The following SORBS2 variants were observed in gnomAD, a reference collection of about 807,000 sequenced individuals.
SORBS2 encodes sorbin and SH3 domain-containing protein 2.
SORBS2 carries 46 observed loss-of-function variants against 97.7 expected under a neutral mutation model. That is an observed-to-expected ratio of 0.47 (90% CI 0.37 to 0.60). SORBS2 has a LOEUF of 0.60. SORBS2 is among the 20% of genes least tolerant of loss of function. SORBS2 has a pLI of 0.00. For synonymous variants in SORBS2, 476 were observed against 473.4 expected, an observed-to-expected ratio of 1.01 and a Z score of -0.07; for missense variants, 1,316 against 1,282.3, an observed-to-expected ratio of 1.03 and a Z score of -0.40.
chr4:185,818,024 C>T (rs72629651), intron 1 of SORBS2, among the ~76,000 whole-genome samples: 43,348 of 152,074 alleles, frequency 0.29, 6,915 homozygotes, highest in East Asian at 0.66. Flanking sequence ...ATCCCCAATC[C>T]GCACTGGAAA....
chr4:185,638,672 C>A (rs1013733424), intron 4 of SORBS2, among the ~76,000 whole-genome samples: 3 of 29,780 alleles, frequency 1.0e-4, no homozygotes, highest in African/African-American at 2.6e-4. Flanking sequence ...GGGAAGGGTG[C>A]GGGAGGGGTG....
chr4:185,697,824 A>T lies in SORBS2; in HGVS notation c.-197-19002T>A, dbSNP rs548290603. Among the ~76,000 whole-genome samples the T allele has an allele frequency of 2.6e-3, 389 of 152,312 alleles. 1 individual carries two copies. Among genetic ancestry groups the T allele is most frequent in the Non-Finnish European group, 4.1e-3 (279 of 68,030 alleles). ...CACACATTTCTATTTTGAGGAGAAAAGCCTTGATCTTTTTAAAGAACCATT... is the reference window on the plus strand; with the variant it reads ...CACACATTTCTATTTTGAGGAGAAATGCCTTGATCTTTTTAAAGAACCATT... On this transcript the variant is annotated intron_variant, in intron 2 of 20. Coordinates refer to the SORBS2 transcript ENST00000284776.
chr4:185,844,859 C>T (rs1330943650), intron 1 of SORBS2, among the ~76,000 whole-genome samples: 1 of 152,148 alleles, frequency 6.6e-6, no homozygotes, highest in East Asian at 1.9e-4. Flanking sequence ...ACACGAAAGA[C>T]TATATGTAAC....
chr4:185,731,648 C>G (rs1230838846), intron 2 of SORBS2, among the ~76,000 whole-genome samples: 2 of 106,108 alleles, frequency 1.9e-5, no homozygotes, highest in Non-Finnish European at 3.7e-5. Context: ...CCCTGCCTAT[C>G]TCTCTCCCTC....
chr4:185,938,964 C>T (rs943366312), intron 1 of SORBS2, among the ~76,000 whole-genome samples: 7 of 152,186 alleles, frequency 4.6e-5, no homozygotes, highest in African/African-American at 1.4e-4. Context: ...GACATCACTA[C>T]GCGGCTCAAT....
chr4:185,588,593 C>CCTCCTCCTCCTCCTCCTCCCTCCT (rs1554048144), intron 14 of SORBS2, among the ~76,000 whole-genome samples: 1 of 65,228 alleles, frequency 1.5e-5, no homozygotes, highest in Non-Finnish European at 3.2e-5. Context: ...CGTTTCTCCT[C>CCTCCTCCTCCTCCTCCTCCCTCCT]CCTCCTCCTC....
At chr4:185,929,866 G>A (rs1195743092) in intron 1 of SORBS2, among the ~76,000 whole-genome samples, 3 of 152,218 alleles carry the variant, frequency 2.0e-5, no homozygotes, top group East Asian at 1.9e-4. Context: ...GATTTTGGGC[G>A]TGTGTGACAC....
intron 1 of SORBS2, among the ~76,000 whole-genome samples, chr4:185,921,697 T>C (rs1433167699): frequency 1.3e-5 from 2 of 152,244 alleles, no homozygotes; most frequent in Non-Finnish European, 2.9e-5. Context: ...GGATATTTAC[T>C]TTTCCACTAT....
intron 1 of SORBS2, chr4:185,810,941 A>G (rs2099179030): frequency 6.6e-6 from 1 of 152,212 alleles, no homozygotes; most frequent in Non-Finnish European, 1.5e-5. Context: ...CACATACCTC[A>G]GCTGTCCTAG....
At chr4:185,860,141 C>G (rs74850307) in intron 1 of SORBS2, among the ~76,000 whole-genome samples, 1 of 152,000 alleles carries the variant, frequency 6.6e-6, no homozygotes, top group Non-Finnish European at 1.5e-5. Flanking sequence ...ATATAATGAG[C>G]AAATGGAGAT....
chr4:185,769,135 A>T (rs2098954848), intron 2 of SORBS2, among the ~76,000 whole-genome samples: 1 of 151,890 alleles, frequency 6.6e-6, no homozygotes, highest in Admixed American at 6.6e-5. Context: ...GGCACATGGG[A>T]GACTGGAGAT....
At chr4:185,794,782 G>A (rs953087259) in intron 1 of SORBS2, among the ~76,000 whole-genome samples, 2 of 152,128 alleles carry the variant, frequency 1.3e-5, no homozygotes, top group East Asian at 1.9e-4. Context: ...TCCTGGGTGT[G>A]TGACTGAGGG....
rs1405041120 is a variant in SORBS2 at position 185,767,390 on chromosome 4, C to T, written c.-198+7837G>A. 2.9e-5 allele frequency among the ~76,000 whole-genome samples: 4 copies of T among 139,246 alleles called. 1 individual carries two copies. Among genetic ancestry groups the T allele is most frequent in the Non-Finnish European group, 4.7e-5 (3 of 63,920 alleles). 91.4% of individuals were successfully genotyped at this position (139,246 alleles called of 152,430 possible). On this transcript the variant is annotated intron_variant, in intron 2 of 20. Coordinates refer to the SORBS2 transcript ENST00000284776. The stretch of plus-strand genomic sequence containing the variant: ...TGGCGGGCGCCTGTAGTTCCAGTTA[C>T]TCGGGAGGCTGAGGCAGGGGAATGG...
intron 1 of SORBS2, among the ~76,000 whole-genome samples, chr4:185,858,840 A>G (rs2099222134): frequency 6.6e-6 from 1 of 152,216 alleles, no homozygotes; most frequent in Non-Finnish European, 1.5e-5. Flanking sequence ...CCTTGTGACA[A>G]CTTCATTTAT....
chr4:185,798,205 T>C (rs1314816371), intron 1 of SORBS2, among the ~76,000 whole-genome samples: 1 of 152,164 alleles, frequency 6.6e-6, no homozygotes. Flanking sequence ...GAATACATAA[T>C]CCATTCAATC....
At chr4:185,954,381 A>G (rs995159838) in intron 1 of SORBS2, among the ~76,000 whole-genome samples, 2 of 151,420 alleles carry the variant, frequency 1.3e-5, no homozygotes, top group African/African-American at 4.8e-5. Context: ...TTAATTTTGT[A>G]TTATTTTGAT....
At position 185,722,068 on chromosome 4, in the gene SORBS2, G is replaced by A. The variant is rs932800197; in HGVS notation, c.-197-43246C>T. Among the ~76,000 whole-genome samples, 13 of 152,286 alleles carry A rather than the reference G, an allele frequency of 8.5e-5. No homozygotes were observed. In the East Asian group the frequency reaches 9.6e-4, roughly 11 times the overall value. The stretch of plus-strand genomic sequence containing the variant: ...CACCATTAATACCTGTTAAAAGGTC[G>A]TGAATTCTGTAAGAGATGTTTGGAA... On this transcript the variant is annotated intron_variant, in intron 2 of 20. Transcript: ENST00000284776.
intron 1 of SORBS2, among the ~76,000 whole-genome samples, chr4:185,952,817 C>G (rs2099277825): frequency 6.6e-6 from 1 of 152,158 alleles, no homozygotes; most frequent in African/African-American, 2.4e-5. Context: ...AGTTTATTCC[C>G]CTTCAAACCA....
At chr4:185,810,132 C>T (rs1170450329) in intron 1 of SORBS2, among the ~76,000 whole-genome samples, 3 of 152,218 alleles carry the variant, frequency 2.0e-5, no homozygotes, top group African/African-American at 7.2e-5. Context: ...GTCACCTCAC[C>T]ATTTTATCCC....
Sources: allele counts gnomAD v4.1 joint callset (sites outside exome capture counted in the v4.1 genomes callset), GRCh38; gene constraint gnomAD v4.1.1; transcripts MANE v1.5; gene names NCBI Gene and HGNC (gene_info 2026-07-23, HGNC 2026-07-21).